XKR9: variants seen among roughly 807,000 people sequenced by gnomAD.
XKR9 encodes XK related 9.
In XKR9, 32 loss-of-function variants were observed where a neutral mutation model predicts 32.0. That is an observed-to-expected ratio of 1.00 (90% CI 0.76 to 1.34). The LOEUF is 1.34. Among genes scored for constraint, XKR9 ranks in the 40% most tolerant of loss-of-function variants. XKR9 has a pLI of 0.00. For missense variants in XKR9, 546 were observed against 429.7 expected (o/e 1.27, Z -2.39); for synonymous variants, 168 against 143.4 (o/e 1.17, Z -1.22).
the XKR9 span, among the ~76,000 whole-genome samples, chr8:71,003,246 T>C: frequency 6.6e-6 from 1 of 152,208 alleles, no homozygotes; most frequent in Non-Finnish European, 1.5e-5. Context: ...GACTTTCCTG[T>C]AACATATAAA....
downstream of XKR9, among the ~76,000 whole-genome samples, chr8:70,737,013 T>C (rs1425176152): frequency 3.3e-5 from 5 of 152,240 alleles, no homozygotes; most frequent in African/African-American, 9.6e-5. Flanking sequence ...AGAAAGTCAT[T>C]GGTAGCTTTA....
chr8:70,672,874 G>A (rs1458719537), intron 1 of XKR9, among the ~76,000 whole-genome samples: 1 of 152,014 alleles, frequency 6.6e-6, no homozygotes, highest in African/African-American at 2.4e-5. Context: ...TTTGAGAATC[G>A]TCTATTCATG....
chr8:70,680,439 A>G (rs1445786676), intron 2 of XKR9, among the ~76,000 whole-genome samples: 4 of 152,122 alleles, frequency 2.6e-5, no homozygotes, highest in South Asian at 4.1e-4. Flanking sequence ...TTTGTTACAT[A>G]TATTTTAGTA....
intron 2 of XKR9, among the ~76,000 whole-genome samples, chr8:70,770,348 T>G (rs1838392): frequency 0.53 from 81,046 of 151,952 alleles, 22,608 homozygotes; most frequent in Middle Eastern, 0.62. Context: ...CCAGATGCCA[T>G]TTGGAGCTCT....
At position 70,734,041 on chromosome 8, in the gene XKR9, T is replaced by A. The variant is rs201445722; in HGVS notation, c.739T>A (p.Phe247Ile). 2 of 1,613,502 alleles carry A rather than the reference T, an allele frequency of 1.2e-6. No homozygotes were observed. The highest frequency in any genetic ancestry group is 1.7e-6 in the Non-Finnish European group (2 of 1,179,722). Reference sequence around the variant, plus strand: ...TTGGTTGTTAGGTATAATATGGGCATTTAAAAACAACACCCAGTTTTGTAC... The same window carrying A: ...TTGGTTGTTAGGTATAATATGGGCAATTAAAAACAACACCCAGTTTTGTAC... ...FLWLLGIIWAFKNNTQFCTCI... is the reference protein window; with the variant it reads ...FLWLLGIIWAIKNNTQFCTCI... Residue 247 changes from phenylalanine (F) to isoleucine (I), a missense_variant, in exon 5 of 5, where the codon TTT becomes ATT. Coordinates refer to ENST00000408926, the MANE Select transcript of XKR9 (RefSeq NM_001011720.2).
At chr8:70,741,965 GTTTT>G (rs71264520) in intron 2 of XKR9, among the ~76,000 whole-genome samples, 14 of 146,504 alleles carry the variant, frequency 9.6e-5, no homozygotes, top group Non-Finnish European at 1.8e-4. Context: ...GTTGTATTCT[GTTTT>G]TTTTTTTTCT....
chr8:70,795,357 CTTTA>C (rs1380673163), downstream of XKR9, among the ~76,000 whole-genome samples: 1 of 152,060 alleles, frequency 6.6e-6, no homozygotes, highest in Non-Finnish European at 1.5e-5. Flanking sequence ...ACCATATTTT[CTTTA>C]TTTAGTCTAC....
chr8:70,771,490 T>A (rs763880107), intron 2 of XKR9, among the ~76,000 whole-genome samples: 14 of 152,242 alleles, frequency 9.2e-5, no homozygotes, highest in Admixed American at 2.0e-4. Flanking sequence ...GCAACAACAC[T>A]GATCTATTCA....
chr8:71,062,863 T>G, the XKR9 span, among the ~76,000 whole-genome samples: 5 of 152,148 alleles, frequency 3.3e-5, no homozygotes, highest in Admixed American at 2.6e-4. Flanking sequence ...ATATACAGTT[T>G]CAACATTTTC....
the XKR9 span, among the ~76,000 whole-genome samples, chr8:70,817,699 G>A: frequency 2.6e-5 from 4 of 152,076 alleles, no homozygotes; most frequent in Admixed American, 2.0e-4. Context: ...AAAGCTGGAG[G>A]TATCACATTA....
At chr8:70,723,946 C>T (rs980389835) in intron 4 of XKR9, among the ~76,000 whole-genome samples, 2 of 146,592 alleles carry the variant, frequency 1.4e-5, no homozygotes, top group Admixed American at 6.9e-5. Context: ...AGTGCAGTGG[C>T]GGTGGGAACG....
the XKR9 span, among the ~76,000 whole-genome samples, chr8:70,918,514 G>C: frequency 1.3e-5 from 2 of 152,044 alleles, no homozygotes; most frequent in African/African-American, 4.8e-5. Flanking sequence ...TGTGAACTCA[G>C]TTGCCCTTAA....
At chr8:70,956,829 A>G in the XKR9 span, among the ~76,000 whole-genome samples, 1 of 152,068 alleles carries the variant, frequency 6.6e-6, no homozygotes, top group Non-Finnish European at 1.5e-5. Context: ...AGGGAGTGGG[A>G]GCATGCACTT....
chr8:70,998,453 C>G, the XKR9 span, among the ~76,000 whole-genome samples: 4 of 152,168 alleles, frequency 2.6e-5, no homozygotes, highest in Non-Finnish European at 4.4e-5. Context: ...TCTCCCACCC[C>G]ATAATGTTTT....
chr8:70,699,409 C>A (rs1288716340), intron 3 of XKR9, among the ~76,000 whole-genome samples: 1 of 152,084 alleles, frequency 6.6e-6, no homozygotes, highest in Middle Eastern at 3.4e-3. Context: ...ATTTGCTTGT[C>A]TGTAAAGTAT....
chr8:71,022,200 T>G, the XKR9 span, among the ~76,000 whole-genome samples: 3 of 152,220 alleles, frequency 2.0e-5, no homozygotes, highest in Non-Finnish European at 4.4e-5. Context: ...TATGTGTCTG[T>G]TTTTGAACCA....
the XKR9 span, among the ~76,000 whole-genome samples, chr8:70,918,768 CTTTTT>C: frequency 1.6e-5 from 1 of 64,138 alleles, no homozygotes; most frequent in Non-Finnish European, 3.0e-5. Flanking sequence ...TCATGGGATC[CTTTTT>C]TTTTTTTTTT....
At chr8:70,897,009 C>T in the XKR9 span, among the ~76,000 whole-genome samples, 1 of 151,750 alleles carries the variant, frequency 6.6e-6, no homozygotes, top group Non-Finnish European at 1.5e-5. Flanking sequence ...ATGGACCATC[C>T]CCCCTTCTTC....
chr8:70,880,663 G>A, the XKR9 span, among the ~76,000 whole-genome samples: 1 of 152,076 alleles, frequency 6.6e-6, no homozygotes, highest in Non-Finnish European at 1.5e-5. Flanking sequence ...TCATCGATAG[G>A]AAGAATCAAT....
Sources: allele counts gnomAD v4.1 joint callset (sites outside exome capture counted in the v4.1 genomes callset), GRCh38; gene constraint gnomAD v4.1.1; transcripts MANE v1.5; gene names NCBI Gene and HGNC (gene_info 2026-07-23, HGNC 2026-07-21).